PTPN21: variants seen among roughly 807,000 people sequenced by gnomAD.
The protein encoded by PTPN21 is protein tyrosine phosphatase non-receptor type 21, also known as tyrosine-protein phosphatase non-receptor type 21.
In PTPN21, 77 loss-of-function variants were observed where a neutral mutation model predicts 131.8. That is an observed-to-expected ratio of 0.58 (90% CI 0.49 to 0.71). PTPN21 has a LOEUF of 0.71. PTPN21 is among the 30% of genes least tolerant of loss of function. PTPN21 has a pLI of 0.00. For synonymous variants in PTPN21, 715 were observed against 621.3 expected (o/e 1.15, Z -2.24); for missense variants, 1,552 against 1,527.1 (o/e 1.02, Z -0.27).
intron 2 of PTPN21, among the ~76,000 whole-genome samples, chr14:88,532,237 G>A (rs1363816741): frequency 6.6e-6 from 1 of 152,158 alleles, no homozygotes; most frequent in Non-Finnish European, 1.5e-5. Flanking sequence ...TAGAGAAAGA[G>A]GGAATCCTCC....
intron 4 of PTPN21, among the ~76,000 whole-genome samples, chr14:88,506,841 A>G (rs1288124225): frequency 6.6e-6 from 1 of 152,120 alleles, no homozygotes; most frequent in Non-Finnish European, 1.5e-5. Context: ...CAGGAGTTTG[A>G]GACCAGCCTG....
intron 2 of PTPN21, among the ~76,000 whole-genome samples, chr14:88,526,572 AAAAG>A (rs1339580773): frequency 1.3e-5 from 2 of 151,040 alleles, no homozygotes; most frequent in Non-Finnish European, 3.0e-5. Flanking sequence ...AAAAAAAAAA[AAAAG>A]GTTAGTTGTA....
intron 6 of PTPN21, among the ~76,000 whole-genome samples, chr14:88,502,160 C>T (rs932750231): frequency 1.3e-5 from 2 of 152,132 alleles, no homozygotes; most frequent in Non-Finnish European, 2.9e-5. Context: ...CAAGTGCATG[C>T]AGACTTGCAT....
At chr14:88,492,560 G>A (rs2077841148) in intron 10 of PTPN21, among the ~76,000 whole-genome samples, 1 of 152,126 alleles carries the variant, frequency 6.6e-6, no homozygotes, top group African/African-American at 2.4e-5. Context: ...CAGGGACTGG[G>A]CCATACATGC....
chr14:88,470,023 A>G lies in PTPN21; in HGVS notation c.2899T>C (p.Tyr967His). The G allele has an allele frequency of 6.2e-7, 1 of 1,613,574 alleles. No homozygotes were observed. The highest frequency in any genetic ancestry group is 1.3e-5 in the African/African-American group (1 of 75,032). Residue 967 changes from tyrosine to histidine, a missense_variant, in exon 16 of 19, where the codon TAT (tyrosine) becomes CAT (histidine). Coordinates refer to ENST00000556564, the MANE Select transcript of PTPN21 (RefSeq NM_007039.4). ...KVSVSGIEWDYIATQGPLQNT... is the reference protein window; with the variant it reads ...KVSVSGIEWDHIATQGPLQNT... The stretch of plus-strand genomic sequence containing the variant: ...TGTAATGGTCCCTGTGTGGCAATAT[A>G]ATCCCATTCGATTCCACTGACAGAG...
intron 6 of PTPN21, 31 bp downstream of exon 6, chr14:88,504,394 G>A: frequency 6.9e-7 from 1 of 1,443,304 alleles, no homozygotes; most frequent in Non-Finnish European, 9.8e-7. Flanking sequence ...TTGGTTCTAT[G>A]CTATTTCCAT....
At chr14:88,549,755 C>T (rs530261719) in intron 2 of PTPN21, among the ~76,000 whole-genome samples, 140 of 151,690 alleles carry the variant, frequency 9.2e-4, no homozygotes, top group Non-Finnish European at 1.7e-3. Context: ...CCCACCACCA[C>T]GCCCAGCCAA....
chr14:88,514,700 G>A (rs777366119), intron 3 of PTPN21, among the ~76,000 whole-genome samples: 2 of 151,922 alleles, frequency 1.3e-5, no homozygotes, highest in Middle Eastern at 3.4e-3. Flanking sequence ...CCGACCTTAG[G>A]TGATCTGGCC....
In PTPN21 at chr14:88,479,810, C is replaced by G; in HGVS notation, c.1621G>C (p.Glu541Gln). ...RPVVGAVSVP[E>Q]LTNAQLQAQD... ...GCCTGCAGCTGCGCATTGGTCAGCT[C>G]CGGCACGCTGACCGCGCCCACCACG... Residue 541 changes from glutamate (E) to glutamine (Q), a missense_variant, in exon 13 of 19, where the codon GAG (glutamate) becomes CAG (glutamine). Glu to Gln is a conservative substitution (Grantham distance 29). Transcript: ENST00000556564. 3 of 1,547,898 alleles carry G rather than the reference C, an allele frequency of 1.9e-6. No individual in the cohort carries two copies. The highest frequency in any genetic ancestry group is 2.6e-6 in the Non-Finnish European group (3 of 1,152,662).
At chr14:88,501,044 A>G (rs773447143) in intron 7 of PTPN21, 173 bp from the exon 8 acceptor site, 2 of 640,286 alleles carry the variant, frequency 3.1e-6, no homozygotes, top group Non-Finnish European at 5.5e-6. Flanking sequence ...AAGTATAAAA[A>G]TTGAAAAAGT....
At chr14:88,547,433 A>G (rs1376513135) in intron 2 of PTPN21, 4 of 216,862 alleles carry the variant, frequency 1.8e-5, no homozygotes, top group Non-Finnish European at 3.8e-5. Flanking sequence ...AGATAACTAG[A>G]GGAAACAACT....
In PTPN21 at chr14:88,472,340, A is replaced by G. The variant is rs758236533; in HGVS notation, c.2775T>C (p.Asn925=). 8 of 1,613,756 alleles carry G rather than the reference A, an allele frequency of 5.0e-6. No homozygotes were observed. In the African/African-American group the frequency reaches 9.3e-5, roughly 19 times the overall value. Residue 925 remains asparagine, a synonymous_variant, in exon 15 of 19, where the codon AAT becomes AAC. Transcript: ENST00000556564. The part of the protein sequence containing the change: ...TARLPENAER[N]RFQDVLPYDD... Reference sequence around the variant, plus strand: ...CATAAGGAAGAACATCTTGGAATCGATTTCTTTCTGCATTTTCAGGGAGTC... The same window carrying G: ...CATAAGGAAGAACATCTTGGAATCGGTTTCTTTCTGCATTTTCAGGGAGTC...
intron 2 of PTPN21, among the ~76,000 whole-genome samples, chr14:88,523,000 A>G (rs774457271): frequency 2.4e-4 from 37 of 152,078 alleles, no homozygotes; most frequent in Admixed American, 7.2e-4. Flanking sequence ...TGAATAATTA[A>G]CTTTCCAAAA....
At chr14:88,484,955 C>G in intron 12 of PTPN21, 121 bp downstream of exon 12, 1 of 741,422 alleles carries the variant, frequency 1.3e-6, no homozygotes, top group Non-Finnish European at 2.4e-6. Flanking sequence ...TAGCTATTAT[C>G]ATGATGCAAT....
In PTPN21 at chr14:88,534,085, A is replaced by G. The variant is rs549347478; in HGVS notation, c.180+16153T>C. On this transcript the variant is annotated intron_variant, in intron 2 of 18. Coordinates refer to ENST00000556564, the MANE Select transcript of PTPN21 (RefSeq NM_007039.4). ...CTTAGTTTTCAACACAGAAGTTTAA[A>G]AAGTGGCCGGGCACGGTGGCTCACA... Among the ~76,000 whole-genome samples, 3 of 152,268 alleles carry G rather than the reference A, an allele frequency of 2.0e-5. No individual in the cohort carries two copies. The South Asian group carries it at 6.2e-4, about 32-fold the overall frequency.
At chr14:88,554,470 G>A (rs948152970) in intron 1 of PTPN21, among the ~76,000 whole-genome samples, 181 bp downstream of exon 1, 1 of 152,210 alleles carries the variant, frequency 6.6e-6, no homozygotes, top group Admixed American at 6.5e-5. Context: ...AAGTATATGA[G>A]AGCGAACCTG....
intron 3 of PTPN21, among the ~76,000 whole-genome samples, chr14:88,508,730 G>A (rs1486855002): frequency 6.6e-6 from 1 of 152,100 alleles, no homozygotes; most frequent in East Asian, 1.9e-4. Flanking sequence ...AAGTTCCCTA[G>A]CACTGGAAAG....
intron 2 of PTPN21, among the ~76,000 whole-genome samples, chr14:88,538,800 A>G (rs1026524359): frequency 2.6e-5 from 4 of 152,218 alleles, no homozygotes; most frequent in South Asian, 2.1e-4. Flanking sequence ...CAAGTCACTT[A>G]ATACCTTTGT....
intron 12 of PTPN21, among the ~76,000 whole-genome samples, chr14:88,484,045 G>GTT (rs200386250): frequency 2.3e-5 from 3 of 130,170 alleles, no homozygotes; most frequent in African/African-American, 8.8e-5. Context: ...AGATTCTAAG[G>GTT]TGTTTTTTTT....
Sources: gnomAD v4.1 joint callset for allele counts (sites outside exome capture counted in the v4.1 genomes callset) on GRCh38, gnomAD v4.1.1 for gene constraint, MANE v1.5 for transcripts, NCBI Gene and HGNC (gene_info 2026-07-23, HGNC 2026-07-21) for gene names.